CDK13: variants seen among roughly 807,000 people sequenced by gnomAD.
CDK13 encodes the protein cyclin dependent kinase 13.
A neutral mutation model predicts 137.6 loss-of-function variants in CDK13; 40 were observed. The ratio of observed to expected loss-of-function variants is 0.29; its 90% CI spans 0.23 to 0.38. The LOEUF (loss-of-function observed/expected upper bound fraction) is 0.38. CDK13 is among the 10% of genes least tolerant of loss of function. The pLI is 1.00. For missense variants in CDK13, 1,704 were observed against 1,951.8 expected, an observed-to-expected ratio of 0.87 and a Z score of 2.39; for synonymous variants, 869 against 760.1, an observed-to-expected ratio of 1.14 and a Z score of -2.36.
intron 11 of CDK13, among the ~76,000 whole-genome samples, chr7:40,086,057 G>A (rs778815610): frequency 3.3e-5 from 5 of 152,018 alleles, no homozygotes; most frequent in Non-Finnish European, 5.9e-5. Flanking sequence ...CTCATAAAAG[G>A]TTATATTTTA....
At position 40,097,424 on chromosome 7, in the gene CDK13, G is replaced by T. The variant is rs1397894174; in HGVS notation, c.*2444G>T. 1 of 151,984 alleles carries T rather than the reference G, an allele frequency of 6.6e-6. No homozygotes were observed. Among genetic ancestry groups the T allele is most frequent in the Non-Finnish European group, 1.5e-5 (1 of 67,960 alleles). The allele number at this position is 151,984 out of a possible 1,614,324, so 9.4% of individuals were successfully genotyped here. On this transcript the variant is annotated 3_prime_UTR_variant, in exon 14 of 14. Coordinates refer to ENST00000181839, the MANE Select transcript of CDK13 (RefSeq NM_003718.5). ...ATATGTCTTATAATTGATGAAATAT[G>T]ATAGTAAAAAATTTTAATGCTTCCC...
intron 2 of CDK13, among the ~76,000 whole-genome samples, chr7:39,992,260 C>T (rs1303096181): frequency 6.6e-6 from 1 of 151,714 alleles, no homozygotes; most frequent in East Asian, 2.0e-4. Flanking sequence ...TGCAGTGGCG[C>T]CATCTAGGCT....
intron 1 of CDK13, among the ~76,000 whole-genome samples, chr7:39,957,090 CGT>C (rs70996865): frequency 0.12 from 16,722 of 140,738 alleles, 986 homozygotes; most frequent in African/African-American, 0.16. Context: ...ATCCCACTGT[CGT>C]GTGTGTGTGT....
chr7:40,084,364 A>G (rs1786739140), intron 11 of CDK13, among the ~76,000 whole-genome samples: 1 of 152,164 alleles, frequency 6.6e-6, no homozygotes, highest in African/African-American at 2.4e-5. Context: ...TGTAATCCCA[A>G]CTACTTGAGA....
intron 1 of CDK13, among the ~76,000 whole-genome samples, chr7:39,980,082 C>A (rs888676254): frequency 2.0e-5 from 3 of 152,186 alleles, no homozygotes; most frequent in Non-Finnish European, 2.9e-5. Flanking sequence ...TTCTAAACTG[C>A]TGACTTTGTG....
chr7:40,013,575 A>C (rs1329160871), intron 5 of CDK13, among the ~76,000 whole-genome samples: 1 of 152,206 alleles, frequency 6.6e-6, no homozygotes, highest in Admixed American at 6.5e-5. Flanking sequence ...ATATTATCAG[A>C]ATATAGATTG....
At chr7:40,019,087 A>ATACTTATAC (rs1287686347) in intron 5 of CDK13, among the ~76,000 whole-genome samples, 1 of 152,196 alleles carries the variant, frequency 6.6e-6, no homozygotes, top group East Asian at 1.9e-4. Flanking sequence ...AAGGAAGGTT[A>ATACTTATAC]TTCATACTGT....
chr7:39,951,931 G>T, intron 1 of CDK13, 79 bp downstream of exon 1: 1 of 1,300,872 alleles, frequency 7.7e-7, no homozygotes. Flanking sequence ...TGGTGCCCGG[G>T]TCCTCAGAAC....
chr7:39,951,200 A>T lies in CDK13; in HGVS notation c.559A>T (p.Thr187Ser), dbSNP rs2116057839. ...SGGSPASSSGTQRRGEGSERR... is the reference protein window; with the variant it reads ...SGGSPASSSGSQRRGEGSERR... The stretch of plus-strand genomic sequence containing the variant: ...CGGGAGTCCGGCCTCCTCCTCCGGC[A>T]CCCAGCGGCGCGGGGAGGGGTCGGA... Residue 187 changes from threonine (T) to serine (S), a missense_variant, in exon 1 of 14, where the codon ACC becomes TCC. Physicochemically the swap from Thr to Ser is moderately conservative, Grantham distance 58. Coordinates refer to ENST00000181839, the MANE Select transcript of CDK13 (RefSeq NM_003718.5). 8.0e-7 allele frequency: 1 copy of T among 1,251,584 alleles called. No individual in the cohort carries two copies. The highest frequency in any genetic ancestry group is 1.0e-6 in the Non-Finnish European group (1 of 1,000,532). 77.5% of individuals were successfully genotyped at this position (1,251,584 alleles called of 1,614,324 possible).
chr7:40,030,331 T>G (rs561867035), intron 5 of CDK13, among the ~76,000 whole-genome samples: 1 of 151,228 alleles, frequency 6.6e-6, no homozygotes, highest in South Asian at 2.1e-4. Flanking sequence ...AGACAGAGAA[T>G]CTGAGAGTGA....
At chr7:40,030,137 C>T (rs1785337293) in intron 5 of CDK13, among the ~76,000 whole-genome samples, 1 of 152,024 alleles carries the variant, frequency 6.6e-6, no homozygotes, top group Non-Finnish European at 1.5e-5. Context: ...GAGAGTATTT[C>T]AGTAGTAGTA....
intron 2 of CDK13, among the ~76,000 whole-genome samples, chr7:39,992,348 C>T (rs1400164067): frequency 6.6e-6 from 1 of 152,018 alleles, no homozygotes; most frequent in Admixed American, 6.5e-5. Flanking sequence ...CAGGCGCACA[C>T]CAGCATGCCC....
intron 5 of CDK13, among the ~76,000 whole-genome samples, chr7:40,031,231 T>C (rs952045418): frequency 6.6e-6 from 1 of 152,170 alleles, no homozygotes; most frequent in Non-Finnish European, 1.5e-5. Flanking sequence ...TGATGAAATA[T>C]GATGTTAAGG....
rs1460974097 is a variant in CDK13, at chr7:40,078,860, CTT to C, written c.3029+13_3029+14del. ...AAAATGCCTCCACCAGAGTAAGTGACTTTTTATCCTATTATTATTATATATTA... is the reference window on the plus strand; with the variant it reads ...AAAATGCCTCCACCAGAGTAAGTGACTTTATCCTATTATTATTATATATTA... On this transcript the variant is annotated intron_variant, in intron 11 of 13. Transcript: ENST00000181839. The C allele has an allele frequency of 3.1e-6, 4 of 1,285,092 alleles. No homozygotes were observed. The highest frequency in any genetic ancestry group is 4.1e-6 in the Non-Finnish European group (4 of 980,616). 79.6% of individuals were successfully genotyped at this position (1,285,092 alleles called of 1,614,324 possible). A position where few individuals can be genotyped will look rare whatever the true frequency, so the allele number is the denominator to read the frequency against.
chr7:40,021,063 C>T (rs911973187), intron 5 of CDK13, among the ~76,000 whole-genome samples: 1 of 146,038 alleles, frequency 6.8e-6, no homozygotes, highest in Non-Finnish European at 1.5e-5. Flanking sequence ...TGCACTCCAG[C>T]CTGGTGACAG....
intron 7 of CDK13, among the ~76,000 whole-genome samples, chr7:40,059,658 T>G (rs1404126167): frequency 6.6e-6 from 1 of 152,030 alleles, no homozygotes; most frequent in Non-Finnish European, 1.5e-5. Flanking sequence ...CACCCAGCCT[T>G]CTTGGGATTG....
rs147644426 is a variant in CDK13, at chr7:40,078,360, T to C, written c.2897+239T>C. 2.3e-4 allele frequency: 81 copies of C among 357,342 alleles called. No individual in the cohort carries two copies. The East Asian group carries it at 3.4e-3, about 15-fold the overall frequency. The allele number at this position is 357,342 out of a possible 1,614,324, so 22.1% of individuals were successfully genotyped here. ...CGTGAAAGAACTTTAATAAGATCAT[T>C]TAAATGTTACTGGAACAGCTTTCAA... On this transcript the variant is annotated intron_variant, in intron 10 of 13. Coordinates refer to ENST00000181839, the MANE Select transcript of CDK13 (RefSeq NM_003718.5).
At chr7:40,086,847 C>G (rs982187397) in intron 11 of CDK13, among the ~76,000 whole-genome samples, 1 of 135,578 alleles carries the variant, frequency 7.4e-6, no homozygotes, top group African/African-American at 2.8e-5. Flanking sequence ...GGGTCTGGCT[C>G]TGTCACCCAG....
Position 40,093,171 on chromosome 7 carries a change from A to G in CDK13, c.3622A>G (p.Asn1208Asp), listed in dbSNP as rs568544829. 5.0e-6 allele frequency: 8 copies of G among 1,614,170 alleles called. No homozygotes were observed. The South Asian group carries it at 6.6e-5, about 13-fold the overall frequency. Residue 1208 changes from asparagine (N) to aspartate (D), a missense_variant, in exon 13 of 14, where the codon AAT (asparagine) becomes GAT (aspartate). Around this residue, in one of 5 missense-constraint regions of CDK13, gnomAD observed 475 missense variants for 579.3 expected, o/e 0.82. Transcript: ENST00000181839. ...AGATGTGCTACTAGAAGAGAGGGAA[A>G]ATGGATCGGGACATGAAGCGTCATT... is the stretch of plus-strand genomic sequence containing the variant. ...QKDVLLEERENGSGHEASLQL... is the reference protein window; with the variant it reads ...QKDVLLEEREDGSGHEASLQL...
Sources: gnomAD v4.1 joint callset for allele counts (sites outside exome capture counted in the v4.1 genomes callset) on GRCh38, gnomAD v4.1.1 for gene constraint, gnomAD v4.1.1 regional missense constraint, MANE v1.5 for transcripts, NCBI Gene and HGNC (gene_info 2026-07-23, HGNC 2026-07-21) for gene names.